Variants in FBXL18 observed in about 807,000 individuals in gnomAD.
The protein encoded by FBXL18 is F-box and leucine rich repeat protein 18, also known as F-box/LRR-repeat protein 18.
A neutral mutation model predicts 46.0 loss-of-function variants in FBXL18; 36 were observed. That is an observed-to-expected ratio of 0.78 (90% confidence interval 0.60 to 1.03). The LOEUF is 1.03. Ranked by LOEUF, FBXL18 falls within the 50% of genes least tolerant of loss-of-function variation. The probability of loss-of-function intolerance (pLI) is 0.00; values close to 1 mark genes in which losing one functional copy is unlikely to be tolerated. For synonymous variants in FBXL18, 557 were observed against 465.3 expected, an observed-to-expected ratio of 1.20 and a Z score of -2.54; for missense variants, 977 against 1,004.1, an observed-to-expected ratio of 0.97 and a Z score of 0.36.
rs374730925 is a variant in FBXL18, at chr7:5,493,450, C to T, written c.1782-2001G>A. On this transcript the variant is annotated intron_variant, in intron 3 of 4. Coordinates refer to ENST00000382368, the MANE Select transcript of FBXL18 (RefSeq NM_024963.6). ...AGCTGGGACTACAGGCGCCTGCCAC[C>T]GCACCCAGCTAATTTTTTGTATTTT... Among the ~76,000 whole-genome samples the T allele has an allele frequency of 1.3e-4, 20 of 151,962 alleles. No homozygotes were observed. The East Asian group carries it at 1.4e-3, about 10-fold the overall frequency.
At chr7:5,494,648 G>T (rs1285410614) in intron 3 of FBXL18, among the ~76,000 whole-genome samples, 3 of 152,158 alleles carry the variant, frequency 2.0e-5, no homozygotes, top group African/African-American at 7.2e-5. Flanking sequence ...GAAACGGGAA[G>T]GGGTAAAAAA....
rs1213349828 is a variant in FBXL18, at chr7:5,496,946, G to C, written c.1781+3542C>G. Reference sequence around the variant, plus strand: ...CTCTGGAGGCTGAGACAGGAGAATCGCTTGAATCCAGGAGGCAGAGGTTGC... The same window carrying C: ...CTCTGGAGGCTGAGACAGGAGAATCCCTTGAATCCAGGAGGCAGAGGTTGC... On this transcript the variant is annotated intron_variant, in intron 3 of 4. Coordinates refer to ENST00000382368, the MANE Select transcript of FBXL18 (RefSeq NM_024963.6). The surrounding 1 kb of genome is among the most constrained non-coding windows in gnomAD (Gnocchi z 4.8). Among the ~76,000 whole-genome samples the C allele has an allele frequency of 6.7e-6, 1 of 149,662 alleles. No individual in the cohort carries two copies. The highest frequency in any genetic ancestry group is 1.5e-5 in the Non-Finnish European group (1 of 67,792).
chr7:5,465,628 CTG>C (rs1783330614), intron 4 of FBXL18, among the ~76,000 whole-genome samples: 1 of 151,876 alleles, frequency 6.6e-6, no homozygotes, highest in South Asian at 2.1e-4. Flanking sequence ...CAGAGCAAGA[CTG>C]TGTCTCAAAA....
At chr7:5,509,623 A>G (rs1784477941) in intron 1 of FBXL18, among the ~76,000 whole-genome samples, 1 of 147,038 alleles carries the variant, frequency 6.8e-6, no homozygotes, top group Non-Finnish European at 1.5e-5. Flanking sequence ...AATCGCTTGA[A>G]CCTGGGAGGT....
chr7:5,498,374 C>T lies in FBXL18; in HGVS notation c.1781+2114G>A, dbSNP rs997899841. 3.3e-5 allele frequency among the ~76,000 whole-genome samples: 5 copies of T among 152,346 alleles called. No individual in the cohort carries two copies. In the East Asian group the frequency reaches 5.8e-4, roughly 18 times the overall value. ...GTGCTGGGATTACAGGCGTGAGCCA[C>T]GGCGCCCGGCCGAGGCCATTTTGAT... On this transcript the variant is annotated intron_variant, in intron 3 of 4. Coordinates refer to ENST00000382368, the MANE Select transcript of FBXL18 (RefSeq NM_024963.6).
rs1230616754 is a variant in FBXL18 at position 5,501,834 on chromosome 7, G to A, written c.435C>T (p.His145=). The change falls in exon 3 of 5, where the codon CAC becomes CAT. Residue 145 remains histidine (H), a synonymous_variant. Coordinates refer to ENST00000382368, the MANE Select transcript of FBXL18 (RefSeq NM_024963.6). The part of the protein sequence containing the change: ...RLSKMLSALQ[H]LRSLAIDVSP... Reference sequence around the variant, plus strand: ...TCACGTCGATGGCCAGCGAGCGCAGGTGCTGCAGGGCCGAGAGCATCTTGG... The same window carrying A: ...TCACGTCGATGGCCAGCGAGCGCAGATGCTGCAGGGCCGAGAGCATCTTGG... 5.0e-6 allele frequency: 8 copies of A among 1,593,902 alleles called. No homozygotes were observed. The highest frequency in any genetic ancestry group is 2.7e-5 in the African/African-American group (2 of 74,772).
intron 4 of FBXL18, chr7:5,490,187 G>T (rs923118863): frequency 3.7e-6 from 5 of 1,343,852 alleles, no homozygotes; most frequent in East Asian, 4.7e-5. Flanking sequence ...AACAGCTGGG[G>T]CCTCCTTCCT....
rs80314347 is a variant in FBXL18, at chr7:5,455,461, C to G, written c.2001-7618G>C. ...AGGAGCACTCTCGTGGGAGCACTAC[C>G]TTAGTCTCCTTGCTCGCCACTGGCT... On this transcript the variant is annotated intron_variant and NMD_transcript_variant, in intron 4 of 6. Transcript: ENST00000415009. This position sits in a 1 kb window ranked among gnomAD's most constrained non-coding sequence, Gnocchi z 4.6. Among the ~76,000 whole-genome samples, 1 of 152,104 alleles carries G rather than the reference C, an allele frequency of 6.6e-6. No homozygotes were observed. Among genetic ancestry groups the G allele is most frequent in the Non-Finnish European group, 1.5e-5 (1 of 67,992 alleles).
intron 2 of FBXL18, 65 bp from the exon 3 acceptor site, chr7:5,502,096 C>T: frequency 8.5e-7 from 1 of 1,177,694 alleles, no homozygotes; most frequent in Non-Finnish European, 1.2e-6. Flanking sequence ...GGTCTCCAAC[C>T]CTCAGTGCGC....
chr7:5,462,008 T>C (rs1783254665), intron 4 of FBXL18, among the ~76,000 whole-genome samples: 1 of 151,926 alleles, frequency 6.6e-6, no homozygotes, highest in African/African-American at 2.4e-5. Context: ...CCCAGCACTA[T>C]GAGGGACTGA....
At chr7:5,488,688 G>A (rs1020357685) in intron 4 of FBXL18, among the ~76,000 whole-genome samples, 1 of 152,200 alleles carries the variant, frequency 6.6e-6, no homozygotes, top group Non-Finnish European at 1.5e-5. Context: ...TGGCTGGAGG[G>A]CCTGTGAGTG....
chr7:5,474,591 C>G (rs1468894722), downstream of FBXL18, among the ~76,000 whole-genome samples: 1 of 152,112 alleles, frequency 6.6e-6, no homozygotes, highest in African/African-American at 2.4e-5. Flanking sequence ...GCTGGGATTA[C>G]AAGCATGAGC....
At chr7:5,471,597 A>G (rs573443920), downstream of FBXL18, among the ~76,000 whole-genome samples, 3 of 152,204 alleles carry the variant, frequency 2.0e-5, no homozygotes, top group East Asian at 5.8e-4. Flanking sequence ...TTTTTAGTAG[A>G]GACGGGGCTT....
rs1784236524 is a variant in FBXL18 at position 5,501,097 on chromosome 7, G to A, written c.1172C>T (p.Ser391Leu). The A allele has an allele frequency of 2.5e-6, 4 of 1,612,570 alleles. No individual in the cohort carries two copies. Among genetic ancestry groups the A allele is most frequent in the South Asian group, 1.1e-5 (1 of 91,044 alleles). ...CTCCGAGCTGTGGTGGTGGGCGGCC[G>A]AGAGGTTCAGGTGGCGCAGGTTGCA... ...SCCNLRHLNL[S>L]AAHHHSSEGL... The change falls in exon 3 of 5, where the codon TCG (serine) becomes TTG (leucine). Residue 391 changes from serine to leucine, a missense_variant. By Grantham distance (145) the Ser-to-Leu change is moderately radical (BLOSUM62 -2). Coordinates refer to ENST00000382368, the MANE Select transcript of FBXL18 (RefSeq NM_024963.6).
At chr7:5,459,467 A>G (rs1301186183) in intron 4 of FBXL18, among the ~76,000 whole-genome samples, 2 of 152,170 alleles carry the variant, frequency 1.3e-5, no homozygotes, top group Admixed American at 6.5e-5. Flanking sequence ...CTGGCTGGGC[A>G]CGGTGGCTCA....
chr7:5,513,579 C>T, intron 1 of FBXL18, 78 bp downstream of exon 1: 2 of 1,543,804 alleles, frequency 1.3e-6, no homozygotes, highest in Non-Finnish European at 1.8e-6. Flanking sequence ...TGCAAGGGAA[C>T]CCGGGTCGGG....
chr7:5,496,061 C>T lies in FBXL18; in HGVS notation c.1781+4427G>A, dbSNP rs1424147577. 4.4e-5 allele frequency: 16 copies of T among 361,140 alleles called. No individual in the cohort carries two copies. The highest frequency in any genetic ancestry group is 2.6e-4 in the Admixed American group (7 of 27,374). 22.4% of individuals were successfully genotyped at this position (361,140 alleles called of 1,614,324 possible). On this transcript the variant is annotated intron_variant, in intron 3 of 4. Coordinates refer to ENST00000382368, the MANE Select transcript of FBXL18 (RefSeq NM_024963.6). The surrounding 1 kb of genome is among the most constrained non-coding windows in gnomAD (Gnocchi z 4.8). ...GGAAGGCCCTTGGCCACGGGGATTC[C>T]GTCCCAGACTCCGGAGGCCATCGGG...
rs1056778601 is a variant in FBXL18 at position 5,501,696 on chromosome 7, G to A, written c.573C>T (p.Cys191=). The change falls in exon 3 of 5, where the codon TGC becomes TGT. Residue 191 remains cysteine (C), a synonymous_variant. Transcript: ENST00000382368. ...AGAGCAGCAGCTTCTCTAGGCTGGT[G>A]CAGCAGGGCACCACGCCGTAGGAGG... ...FTPSYGVVPC[C]TSLEKLLLYF... The A allele has an allele frequency of 1.2e-6, 2 of 1,601,480 alleles. No individual in the cohort carries two copies. Among genetic ancestry groups the A allele is most frequent in the African/African-American group, 2.7e-5 (2 of 74,742 alleles).
intron 1 of FBXL18, among the ~76,000 whole-genome samples, chr7:5,513,150 G>C (rs144011921): frequency 2.0e-5 from 3 of 152,172 alleles, no homozygotes; most frequent in Admixed American, 1.3e-4. Flanking sequence ...TGTTGGGAAA[G>C]AATTCCAGGG....
Sources: gnomAD v4.1 joint callset for allele counts (sites outside exome capture counted in the v4.1 genomes callset) on GRCh38, gnomAD v4.1.1 for gene constraint, Gnocchi (gnomAD v3.1) non-coding constraint, MANE v1.5 for transcripts, NCBI Gene and HGNC (gene_info 2026-07-23, HGNC 2026-07-21) for gene names.